Variants in SLC12A7 observed in about 807,000 individuals in gnomAD.
SLC12A7 encodes the protein solute carrier family 12 member 7, also known as K-Cl cotransporter 4.
SLC12A7 carries 100 observed loss-of-function variants against 120.6 expected under a neutral mutation model. The ratio of observed to expected loss-of-function variants is 0.83; its 90% CI spans 0.71 to 0.98. The LOEUF is 0.98. Among genes scored for constraint, SLC12A7 ranks in the 50% least tolerant of loss-of-function variants. The pLI is 0.00. For missense variants in SLC12A7, 1,373 were observed against 1,548.1 expected (o/e 0.89, Z 1.90); for synonymous variants, 760 against 678.0 (o/e 1.12, Z -1.88).
the SLC12A7 span, among the ~76,000 whole-genome samples, chr5:1,150,161 C>G: frequency 8.5e-5 from 13 of 152,294 alleles, no homozygotes; most frequent in Non-Finnish European, 1.8e-4. Context: ...GGTATGAACC[C>G]CTCATCAGCT....
At chr5:1,077,058 G>GCCCCCCCCC (rs58129045) in intron 12 of SLC12A7, among the ~76,000 whole-genome samples, 1 of 147,040 alleles carries the variant, frequency 6.8e-6, no homozygotes, top group Non-Finnish European at 1.5e-5. Flanking sequence ...GCCCCAGCCT[G>GCCCCCCCCC]CCCCCCCGCC....
At chr5:1,128,601 A>T in the SLC12A7 span, among the ~76,000 whole-genome samples, 1 of 152,208 alleles carries the variant, frequency 6.6e-6, no homozygotes. Flanking sequence ...TATTTGATAA[A>T]CAACAGGCTC....
chr5:1,052,392 C>T lies in SLC12A7; in HGVS notation c.3220G>A (p.Gly1074Ser). The T allele has an allele frequency of 6.2e-7, 1 of 1,612,918 alleles. No individual in the cohort carries two copies. The highest frequency in any genetic ancestry group is 8.5e-7 in the Non-Finnish European group (1 of 1,180,000). ...GLNRVLLVRG[G>S]GREVITIYS The stretch of plus-strand genomic sequence containing the variant: ...TAGATGGTGATCACCTCCCGGCCGC[C>T]ACCCCTGACCAGGAGGACTCTGTTC... The change falls in exon 24 of 24, where the codon GGC (glycine) becomes AGC (serine). Residue 1074 changes from glycine (G) to serine (S), a missense_variant. By Grantham distance (56) the Gly-to-Ser change is moderately conservative. Coordinates refer to ENST00000264930, the MANE Select transcript of SLC12A7 (RefSeq NM_006598.3).
the SLC12A7 span, among the ~76,000 whole-genome samples, chr5:1,137,931 G>A: frequency 6.6e-6 from 1 of 152,234 alleles, no homozygotes; most frequent in East Asian, 1.9e-4. Flanking sequence ...AGTGAGCTGT[G>A]GCAGAAGGAG....
chr5:1,130,510 A>C, the SLC12A7 span, among the ~76,000 whole-genome samples: 476 of 105,100 alleles, frequency 4.5e-3, no homozygotes, highest in Middle Eastern at 0.021. Context: ...CCACGGCTGC[A>C]CACGCGTGTC....
the SLC12A7 span, among the ~76,000 whole-genome samples, chr5:1,155,057 G>C: frequency 3.9e-5 from 6 of 152,122 alleles, no homozygotes; most frequent in African/African-American, 1.2e-4. Flanking sequence ...AAGCGGGCTT[G>C]GCTCTGGGTC....
rs544460439 is a variant in SLC12A7 at position 1,053,462 on chromosome 5, C to T, written c.3047G>A (p.Arg1016Gln). ...ATTGAGCTTCACAGCCGTGTGCATC[C>T]GCCTGACGTTGGACTGGTCCCTGCA... ...SMKPDQSNVR[R>Q]MHTAVKLNGV... Residue 1016 changes from arginine (R) to glutamine (Q), a missense_variant, in exon 23 of 24, where the codon CGG (arginine) becomes CAG (glutamine). By Grantham distance (43) the Arg-to-Gln change is conservative. Coordinates refer to ENST00000264930, the MANE Select transcript of SLC12A7 (RefSeq NM_006598.3). The T allele has an allele frequency of 1.1e-5, 18 of 1,613,626 alleles. No homozygotes were observed. The highest frequency in any genetic ancestry group is 4.5e-5 in the East Asian group (2 of 44,894).
intron 3 of SLC12A7, among the ~76,000 whole-genome samples, chr5:1,092,104 G>A (rs942345750): frequency 7.9e-5 from 12 of 152,224 alleles, no homozygotes; most frequent in African/African-American, 2.4e-4. Flanking sequence ...CCTCGTCTCC[G>A]GTTACTTCAA....
In SLC12A7 at chr5:1,093,723, T is replaced by C. The variant is rs1274428513; in HGVS notation, c.220-68A>G. ...GTGGGCCCCCCGACCTCCCTCCCCGTGTTCAGGGTGTGGAGCTCAGGCCCT... is the reference window on the plus strand; with the variant it reads ...GTGGGCCCCCCGACCTCCCTCCCCGCGTTCAGGGTGTGGAGCTCAGGCCCT... On this transcript the variant is annotated intron_variant, in intron 2 of 23. Transcript: ENST00000264930. The C allele has an allele frequency of 7.5e-6, 12 of 1,595,998 alleles. No homozygotes were observed. In the African/African-American group the frequency reaches 1.2e-4, roughly 16 times the overall value.
At chr5:1,094,320 T>C (rs2150880749) in intron 1 of SLC12A7, 72 bp from the exon 2 acceptor site, 6 of 1,117,814 alleles carry the variant, frequency 5.4e-6, no homozygotes, top group East Asian at 2.3e-5. Context: ...CAACTACAGA[T>C]CTTGCACGGA....
At chr5:1,082,325 G>A (rs1428673158) in intron 8 of SLC12A7, among the ~76,000 whole-genome samples, 1 of 147,064 alleles carries the variant, frequency 6.8e-6, no homozygotes, top group Admixed American at 6.8e-5. Context: ...TAGGGTTCTG[G>A]AAAGTCCGGG....
intron 1 of SLC12A7, among the ~76,000 whole-genome samples, chr5:1,098,452 A>T (rs535354911): frequency 4.7e-4 from 2 of 4,228 alleles, no homozygotes; most frequent in Non-Finnish European, 9.0e-4. Flanking sequence ...AACCCTCTGC[A>T]CACCCAGCCC....
At chr5:1,060,784 A>G (rs1289469832) in intron 20 of SLC12A7, among the ~76,000 whole-genome samples, 1 of 152,168 alleles carries the variant, frequency 6.6e-6, no homozygotes, top group Non-Finnish European at 1.5e-5. Context: ...ATGGGGCTGC[A>G]TGATCCACGC....
At chr5:1,139,628 C>T in the SLC12A7 span, among the ~76,000 whole-genome samples, 2 of 152,230 alleles carry the variant, frequency 1.3e-5, no homozygotes, top group East Asian at 1.9e-4. Context: ...CAGAGTGGCC[C>T]CCATGTTCCT....
the SLC12A7 span, among the ~76,000 whole-genome samples, chr5:1,145,935 A>G: frequency 1.3e-5 from 2 of 152,108 alleles, no homozygotes; most frequent in East Asian, 1.9e-4. This position sits in a 1 kb window ranked among gnomAD's most constrained non-coding sequence, Gnocchi z 4.4. Context: ...TGCAGTCACA[A>G]TGCTGTAAAA....
At chr5:1,065,225 C>T (rs1259475468) in intron 18 of SLC12A7, 58 bp downstream of exon 18, 4 of 1,278,016 alleles carry the variant, frequency 3.1e-6, no homozygotes, top group Non-Finnish European at 4.3e-6. Context: ...CGAGGGGACA[C>T]TGAGAGGACA....
In SLC12A7 at chr5:1,085,413, C is replaced by T. The variant is rs375270071; in HGVS notation, c.736G>A (p.Ala246Thr). The stretch of plus-strand genomic sequence containing the variant: ...TACACACGCATGTTGTGCAGCATGG[C>T]GGCCGCCTCGCCACCTGCAGCCTCC... Reference protein sequence around the residue: ...QAEAAGGEAAAMLHNMRVYGT... With the variant: ...QAEAAGGEAATMLHNMRVYGT... Residue 246 changes from alanine to threonine, a missense_variant, in exon 7 of 24, where the codon GCC becomes ACC. By Grantham distance (58) the Ala-to-Thr change is moderately conservative (BLOSUM62 0). Coordinates refer to ENST00000264930, the MANE Select transcript of SLC12A7 (RefSeq NM_006598.3). 44 of 1,609,278 alleles carry T rather than the reference C, an allele frequency of 2.7e-5. No individual in the cohort carries two copies. The highest frequency in any genetic ancestry group is 9.3e-5 in the African/African-American group (7 of 74,872).
At chr5:1,135,171 T>C in the SLC12A7 span, among the ~76,000 whole-genome samples, 1 of 152,126 alleles carries the variant, frequency 6.6e-6, no homozygotes, top group Non-Finnish European at 1.5e-5. Context: ...TGCTCATCTG[T>C]AAGATGGGGA....
At chr5:1,136,035 A>G in the SLC12A7 span, among the ~76,000 whole-genome samples, 4 of 152,116 alleles carry the variant, frequency 2.6e-5, no homozygotes, top group African/African-American at 7.2e-5. Context: ...ACGGATGCAC[A>G]TTGCCCCTTG....
Sources: allele counts gnomAD v4.1 joint callset (sites outside exome capture counted in the v4.1 genomes callset), GRCh38; gene constraint gnomAD v4.1.1; non-coding constraint Gnocchi (gnomAD v3.1); transcripts MANE v1.5; gene names NCBI Gene and HGNC (gene_info 2026-07-23, HGNC 2026-07-21).